GPR183: variants seen among roughly 807,000 people sequenced by gnomAD.
The protein encoded by GPR183 is G protein-coupled receptor 183, also known as EBV-induced G-protein coupled receptor 2.
A neutral mutation model predicts 19.7 loss-of-function variants in GPR183; 9 were observed. The observed-to-expected ratio is 0.46, with a 90% CI of 0.28 to 0.80. The LOEUF is 0.80. GPR183 is among the 30% of genes least tolerant of loss of function. The pLI is 0.13. For synonymous variants in GPR183, 160 were observed against 155.1 expected (o/e 1.03, Z -0.24); for missense variants, 368 against 446.7 (o/e 0.82, Z 1.59).
Position 99,295,244 on chromosome 13 carries a change from C to T in GPR183, c.902G>A (p.Cys301Tyr). Residue 301 changes from cysteine (C) to tyrosine (Y), a missense_variant, in exon 2 of 2, where the codon TGC becomes TAC. Cys to Tyr is a radical substitution (Grantham distance 194, BLOSUM62 -2). Transcript: ENST00000376414. This position sits in a 1 kb window ranked among gnomAD's most constrained non-coding sequence, Gnocchi z 4.1. The part of the protein sequence containing the change: ...HFTVCLMNFN[C>Y]CMDPFIYFFA... Reference sequence around the variant, plus strand: ...GAAGTAGATAAAAGGGTCCATGCAGCAATTGAAGTTCATCAGGCATACTGT... The same window carrying T: ...GAAGTAGATAAAAGGGTCCATGCAGTAATTGAAGTTCATCAGGCATACTGT... The T allele has an allele frequency of 6.2e-7, 1 of 1,614,082 alleles. No homozygotes were observed. The highest frequency in any genetic ancestry group is 8.5e-7 in the Non-Finnish European group (1 of 1,179,996).
At chr13:99,304,149 C>T (rs946710647) in intron 1 of GPR183, among the ~76,000 whole-genome samples, 22 of 152,190 alleles carry the variant, frequency 1.4e-4, no homozygotes, top group African/African-American at 5.3e-4. Context: ...AGGAGGGTTG[C>T]TGGTCAGCTT....
chr13:99,296,867 A>G (rs2044182796), intron 1 of GPR183, among the ~76,000 whole-genome samples: 1 of 152,188 alleles, frequency 6.6e-6, no homozygotes, highest in African/African-American at 2.4e-5. Context: ...GGAAATTATT[A>G]AATTTTAAAA....
intron 1 of GPR183, among the ~76,000 whole-genome samples, chr13:99,301,872 T>G (rs568408921): frequency 5.3e-5 from 8 of 152,258 alleles, no homozygotes; most frequent in Non-Finnish European, 8.8e-5. Context: ...TAACAGCTTT[T>G]GGTTTTTGCT....
In GPR183 at chr13:99,296,064, T is replaced by C; in HGVS notation, c.82A>G (p.Ser28Gly). The C allele has an allele frequency of 6.2e-7, 1 of 1,614,074 alleles. No homozygotes were observed. The highest frequency in any genetic ancestry group is 8.5e-7 in the Non-Finnish European group (1 of 1,180,014). The change falls in exon 2 of 2, where the codon AGC (serine) becomes GGC (glycine). Residue 28 changes from serine to glycine, a missense_variant. Coordinates refer to ENST00000376414, the MANE Select transcript of GPR183 (RefSeq NM_004951.5). ...AGAGGCATTACTATCCTGGCCGTGCTGTGATGTGCATAGAGGTCACAGTCA... is the reference window on the plus strand; with the variant it reads ...AGAGGCATTACTATCCTGGCCGTGCCGTGATGTGCATAGAGGTCACAGTCA... Reference protein sequence around the residue: ...GNDCDLYAHHSTARIVMPLHY... With the variant: ...GNDCDLYAHHGTARIVMPLHY...
chr13:99,296,293 A>C lies in GPR183; in HGVS notation c.-18-130T>G, dbSNP rs760922629. The C allele has an allele frequency of 4.2e-4, 256 of 602,390 alleles. 1 individual carries two copies. Among genetic ancestry groups the C allele is most frequent in the South Asian group, 1.1e-3 (28 of 26,438 alleles). The allele number at this position is 602,390 out of a possible 1,614,324, so 37.3% of individuals were successfully genotyped here. A position where few individuals can be genotyped will look rare whatever the true frequency, so the allele number is the denominator to read the frequency against. ...CTGTCTTTTATATATCTAAGTTTTA[A>C]AATTTCATGACATGCAATTTTTAAC... On this transcript the variant is annotated intron_variant, in intron 1 of 1. Transcript: ENST00000376414.
chr13:99,299,421 C>G (rs937041345), intron 1 of GPR183, among the ~76,000 whole-genome samples: 4 of 151,914 alleles, frequency 2.6e-5, no homozygotes, highest in African/African-American at 9.7e-5. Flanking sequence ...ATACAACATG[C>G]CACTTTTTTG....
chr13:99,295,958 A>AT lies in GPR183; in HGVS notation c.187dup (p.Ile63AsnfsTer15). 1 of 1,614,022 alleles carries AT rather than the reference A, an allele frequency of 6.2e-7. No homozygotes were observed. The highest frequency in any genetic ancestry group is 8.5e-7 in the Non-Finnish European group (1 of 1,179,964). On this transcript the variant is annotated frameshift_variant, in exon 2 of 2. Transcript: ENST00000376414. LOFTEE classifies it high-confidence loss of function. This position sits in a 1 kb window ranked among gnomAD's most constrained non-coding sequence, Gnocchi z 4.1. ...TGTTGAATAGAGGGTGGTAGAGTTGATTTTTTTCCTGTTTTGAACAATGAC... is the reference window on the plus strand; with the variant it reads ...TGTTGAATAGAGGGTGGTAGAGTTGATTTTTTTTCCTGTTTTGAACAATGAC...
chr13:99,298,223 C>T (rs915439898), intron 1 of GPR183, among the ~76,000 whole-genome samples: 1 of 152,128 alleles, frequency 6.6e-6, no homozygotes, highest in Non-Finnish European at 1.5e-5. Flanking sequence ...GTACTGAAGA[C>T]ACATGAGCAT....
In GPR183 at chr13:99,295,396, A is replaced by G. The variant is rs1215959843; in HGVS notation, c.750T>C (p.Ile250=). The change falls in exon 2 of 2, where the codon ATT becomes ATC. Residue 250 remains isoleucine, a synonymous_variant. Transcript: ENST00000376414. The surrounding 1 kb of genome is among the most constrained non-coding windows in gnomAD (Gnocchi z 4.1). ...KKALNTIILI[I]VVFVLCFTPY... ...GTGTGAAACAGAGAACAAACACAAC[A>G]ATAATAAGAATAATTGTGTTGAGAG... The G allele has an allele frequency of 6.2e-7, 1 of 1,614,114 alleles. No homozygotes were observed. The highest frequency in any genetic ancestry group is 8.5e-7 in the Non-Finnish European group (1 of 1,179,998).
intron 1 of GPR183, among the ~76,000 whole-genome samples, chr13:99,297,037 A>C (rs1362364047): frequency 6.6e-6 from 1 of 152,190 alleles, no homozygotes; most frequent in Admixed American, 6.5e-5. Context: ...TTTTATATAA[A>C]CATTTGATAG....
intron 1 of GPR183, among the ~76,000 whole-genome samples, chr13:99,302,672 A>G (rs1442288165): frequency 1.3e-5 from 2 of 152,174 alleles, no homozygotes; most frequent in African/African-American, 4.8e-5. Flanking sequence ...TGCCTGTAAA[A>G]TGGACAGTGG....
In GPR183 at chr13:99,295,163, C is replaced by T. The variant is rs1324731573; in HGVS notation, c.983G>A (p.Ser328Asn). ...KVMRMLKRQV[S>N]VSISSAVKSA... is the part of the protein sequence containing the mutation. ...CTTCACAGCACTAGAAATCGATACACTGACTTGCCGTTTCAGCATCCTCAT... is the reference window on the plus strand; with the variant it reads ...CTTCACAGCACTAGAAATCGATACATTGACTTGCCGTTTCAGCATCCTCAT... Residue 328 changes from serine to asparagine, a missense_variant, in exon 2 of 2, where the codon AGT becomes AAT. By Grantham distance (46) the Ser-to-Asn change is conservative. Coordinates refer to ENST00000376414, the MANE Select transcript of GPR183 (RefSeq NM_004951.5). The surrounding 1 kb of genome is among the most constrained non-coding windows in gnomAD (Gnocchi z 4.1). The T allele has an allele frequency of 1.4e-5, 22 of 1,614,148 alleles. No homozygotes were observed. Among genetic ancestry groups the T allele is most frequent in the Non-Finnish European group, 1.8e-5 (21 of 1,180,016 alleles).
At chr13:99,297,715 G>C (rs1346235607) in intron 1 of GPR183, among the ~76,000 whole-genome samples, 1 of 151,936 alleles carries the variant, frequency 6.6e-6, no homozygotes, top group East Asian at 1.9e-4. Flanking sequence ...AATGAGGATG[G>C]TAAGTAGAAA....
At chr13:99,300,036 A>G (rs9557194) in intron 1 of GPR183, among the ~76,000 whole-genome samples, 25,282 of 152,220 alleles carry the variant, frequency 0.17, 2,381 homozygotes, top group Middle Eastern at 0.23. Context: ...AAAGTGGTCT[A>G]GGCTCTAAGG....
intron 1 of GPR183, among the ~76,000 whole-genome samples, chr13:99,304,672 A>G (rs749197933): frequency 2.0e-5 from 3 of 152,188 alleles, no homozygotes; most frequent in Non-Finnish European, 4.4e-5. Context: ...TGGGCACTCT[A>G]TGTGTGTTTA....
chr13:99,296,471 GA>G (rs1345643633), intron 1 of GPR183, among the ~76,000 whole-genome samples: 1 of 152,192 alleles, frequency 6.6e-6, no homozygotes, highest in Non-Finnish European at 1.5e-5. Context: ...TGACAGAAGG[GA>G]ATGCACTAAA....
At chr13:99,300,813 A>G (rs1419857969) in intron 1 of GPR183, among the ~76,000 whole-genome samples, 1 of 152,226 alleles carries the variant, frequency 6.6e-6, no homozygotes, top group Non-Finnish European at 1.5e-5. Flanking sequence ...GTTCCTCCTC[A>G]TACACAGCAG....
chr13:99,298,507 T>C (rs572835700), intron 1 of GPR183, among the ~76,000 whole-genome samples: 2 of 152,276 alleles, frequency 1.3e-5, no homozygotes, highest in Admixed American at 1.3e-4. Flanking sequence ...CTGAGATAGA[T>C]ATAAAGCCTT....
chr13:99,306,510 C>T (rs560949912), intron 1 of GPR183, among the ~76,000 whole-genome samples: 3 of 152,156 alleles, frequency 2.0e-5, no homozygotes, highest in East Asian at 1.9e-4. Context: ...CAAAATACCA[C>T]GCCCCCCTCC....
Sources: gnomAD v4.1 joint callset for allele counts (sites outside exome capture counted in the v4.1 genomes callset) on GRCh38, gnomAD v4.1.1 for gene constraint, Gnocchi (gnomAD v3.1) non-coding constraint, MANE v1.5 for transcripts, NCBI Gene and HGNC (gene_info 2026-07-23, HGNC 2026-07-21) for gene names.